Variants in DGKG observed in about 807,000 individuals in gnomAD.
DGKG encodes DAG kinase gamma.
Under a neutral mutation model 105.3 loss-of-function variants are expected in DGKG, and 78 were observed. The ratio of observed to expected loss-of-function variants is 0.74; its 90% CI spans 0.62 to 0.89. DGKG has a LOEUF of 0.89. Ranked by LOEUF, DGKG falls within the 40% of genes least tolerant of loss-of-function variation. DGKG has a pLI of 0.00. For missense variants in DGKG, 958 were observed against 1,020.1 expected, an observed-to-expected ratio of 0.94 and a Z score of 0.83; for synonymous variants, 346 against 367.1, an observed-to-expected ratio of 0.94 and a Z score of 0.66.
chr3:186,355,196 A>G (rs914634502), intron 1 of DGKG, among the ~76,000 whole-genome samples: 1 of 141,434 alleles, frequency 7.1e-6, no homozygotes, highest in Non-Finnish European at 1.6e-5. Flanking sequence ...CACCATCAAT[A>G]CCACCACCAA....
Position 186,306,904 on chromosome 3 carries a change from A to G in DGKG, c.141T>C (p.His47=), listed in dbSNP as rs767360580. The change falls in exon 3 of 25, where the codon CAT becomes CAC. Residue 47 remains histidine (H), a synonymous_variant. Transcript: ENST00000265022. The stretch of plus-strand genomic sequence containing the variant: ...CTTAAAATGGAAATGTTCTTACCTC[A>G]TGTGGGTCATATTGTTTGAGGCTCC... The part of the protein sequence containing the change: ...EGGSLKQYDP[H]EPISYDVFKL... The G allele has an allele frequency of 1.9e-6, 3 of 1,603,984 alleles. No individual in the cohort carries two copies. The highest frequency in any genetic ancestry group is 3.3e-5 in the Admixed American group (2 of 59,926).
chr3:186,297,337 C>A (rs929323213), intron 5 of DGKG, 84 bp downstream of exon 5: 15 of 1,010,822 alleles, frequency 1.5e-5, no homozygotes, highest in Non-Finnish European at 2.4e-5. Context: ...ATGAAGACAG[C>A]ACTGTTGGTT....
Position 186,253,147 on chromosome 3 carries a change from C to T in DGKG, c.1546G>A (p.Val516Ile), listed in dbSNP as rs150359028. The change falls in exon 18 of 25, where the codon GTC (valine) becomes ATC (isoleucine). Residue 516 changes from valine (V) to isoleucine (I), a missense_variant. Coordinates refer to ENST00000265022, the MANE Select transcript of DGKG (RefSeq NM_001346.3). ...ANFAKHPPVA[V>I]LPLGTGNDLA... is the part of the protein sequence containing the mutation. The stretch of plus-strand genomic sequence containing the variant: ...TCATTTCCTGTTCCAAGAGGCAGGA[C>T]AGCCACTGGTGGATGCTTTGCAAAG... 2 of 1,614,084 alleles carry T rather than the reference C, an allele frequency of 1.2e-6. No homozygotes were observed.
At chr3:186,249,297 G>A (rs976816288) in intron 19 of DGKG, among the ~76,000 whole-genome samples, 5 of 152,122 alleles carry the variant, frequency 3.3e-5, no homozygotes, top group Admixed American at 6.5e-5. Context: ...CTCAGAACCC[G>A]ATCATGGGCC....
chr3:186,331,732 A>C (rs556055545), intron 1 of DGKG, among the ~76,000 whole-genome samples: 1 of 152,128 alleles, frequency 6.6e-6, no homozygotes, highest in Non-Finnish European at 1.5e-5. Flanking sequence ...GTCTAAGAAG[A>C]GTGTTTGTAG....
At chr3:186,315,569 A>C (rs1446013018) in intron 2 of DGKG, among the ~76,000 whole-genome samples, 1 of 152,158 alleles carries the variant, frequency 6.6e-6, no homozygotes, top group Non-Finnish European at 1.5e-5. Flanking sequence ...TAGAATGTGG[A>C]TATCAGTTTG....
intron 21 of DGKG, among the ~76,000 whole-genome samples, chr3:186,194,803 T>TAAAAAAACAAAAAAAAAAA (rs1718094678): frequency 9.5e-6 from 1 of 105,410 alleles, no homozygotes; most frequent in Admixed American, 1.2e-4. Flanking sequence ...GGTCTTTCTT[T>TAAAAAAACAAAAAAAAAAA]AAAAAAAAAA....
intron 20 of DGKG, among the ~76,000 whole-genome samples, chr3:186,238,502 A>G (rs1720524932): frequency 6.6e-6 from 1 of 152,136 alleles, no homozygotes; most frequent in Non-Finnish European, 1.5e-5. Context: ...TTCTTTTGCT[A>G]GACGACGATT....
chr3:186,298,117 T>C lies in DGKG; in HGVS notation c.257A>G (p.Glu86Gly). 6.2e-7 allele frequency: 1 copy of C among 1,614,108 alleles called. No homozygotes were observed. The highest frequency in any genetic ancestry group is 8.5e-7 in the Non-Finnish European group (1 of 1,180,000). Residue 86 changes from glutamate to glycine, a missense_variant, in exon 4 of 25, where the codon GAG (glutamate) becomes GGG (glycine). Transcript: ENST00000265022. ...TCCCTCCGTCGGGTGGTCAGAGGTC[T>C]CGTGTCTGGGCTTCTGGCTGAAGGC... ...FLAFSQKPRH[E>G]TSDHPTEGAS...
intron 21 of DGKG, among the ~76,000 whole-genome samples, chr3:186,197,703 G>C (rs189018711): frequency 6.6e-6 from 1 of 152,338 alleles, no homozygotes; most frequent in Admixed American, 6.5e-5. Context: ...AGCTGAGGGA[G>C]AGGGTTAGCT....
At chr3:186,264,084 C>A (rs1721922986) in intron 14 of DGKG, among the ~76,000 whole-genome samples, 1 of 152,170 alleles carries the variant, frequency 6.6e-6, no homozygotes, top group South Asian at 2.1e-4. Context: ...GGGCTCTGCC[C>A]CATCAGAACA....
chr3:186,148,362 T>C lies in DGKG; in HGVS notation c.*1728A>G, dbSNP rs1715594011. 1 of 985,316 alleles carries C rather than the reference T, an allele frequency of 1.0e-6. No homozygotes were observed. Among genetic ancestry groups the C allele is most frequent in the Non-Finnish European group, 1.2e-6 (1 of 829,944 alleles). 61.0% of individuals were successfully genotyped at this position (985,316 alleles called of 1,614,324 possible). A position where few individuals can be genotyped will look rare whatever the true frequency, so the allele number is the denominator to read the frequency against. On this transcript the variant is annotated 3_prime_UTR_variant, in exon 25 of 25. Transcript: ENST00000265022. ...CTATGATGACCATGATGAGGTGACA[T>C]GTGGAGAGTTCAGTCTGATGATCTG...
intron 10 of DGKG, 145 bp downstream of exon 10, chr3:186,275,402 C>A: frequency 4.3e-6 from 3 of 693,790 alleles, no homozygotes. Flanking sequence ...ATGAAGGCCT[C>A]GCTTTATTCC....
chr3:186,165,939 C>T (rs1716521421), intron 22 of DGKG, among the ~76,000 whole-genome samples: 1 of 152,220 alleles, frequency 6.6e-6, no homozygotes, highest in Admixed American at 6.5e-5. Context: ...GTAGCTTTCT[C>T]ATAAGTTGTG....
intron 5 of DGKG, among the ~76,000 whole-genome samples, chr3:186,294,215 C>T (rs1002777038): frequency 4.6e-5 from 7 of 152,196 alleles, no homozygotes; most frequent in Non-Finnish European, 1.0e-4. Flanking sequence ...TCAAATATCA[C>T]ATAAAATGAC....
chr3:186,356,857 C>G (rs571899775), intron 1 of DGKG, among the ~76,000 whole-genome samples: 3 of 152,300 alleles, frequency 2.0e-5, no homozygotes, highest in South Asian at 2.1e-4. Context: ...TGGTGGTTGA[C>G]TGGTCTGCTC....
chr3:186,338,563 T>A (rs1207824815), intron 1 of DGKG, among the ~76,000 whole-genome samples: 1 of 152,184 alleles, frequency 6.6e-6, no homozygotes, highest in Non-Finnish European at 1.5e-5. Flanking sequence ...AAAAGAGAGA[T>A]GTGAAAGGAT....
chr3:186,201,147 CTCTT>C lies in DGKG; in HGVS notation c.1917+10644_1917+10647del, dbSNP rs780837316. On this transcript the variant is annotated intron_variant, in intron 21 of 24. Coordinates refer to ENST00000265022, the MANE Select transcript of DGKG (RefSeq NM_001346.3). ...CTCCACCCTCCCCAGGTGTTTTTTT[CTCTT>C]TCTTTCTTTTTTTTTTTTTAAACTA... 1.4e-4 allele frequency among the ~76,000 whole-genome samples: 21 copies of C among 151,894 alleles called. No homozygotes were observed. In the South Asian group the frequency reaches 2.1e-3, roughly 15 times the overall value.
chr3:186,354,701 A>G (rs1218115986), intron 1 of DGKG, among the ~76,000 whole-genome samples: 1 of 152,242 alleles, frequency 6.6e-6, no homozygotes, highest in Non-Finnish European at 1.5e-5. Context: ...TCACTGAAGC[A>G]TCAATGACTT....
Sources: allele counts gnomAD v4.1 joint callset (sites outside exome capture counted in the v4.1 genomes callset), GRCh38; gene constraint gnomAD v4.1.1; transcripts MANE v1.5; gene names NCBI Gene and HGNC (gene_info 2026-07-23, HGNC 2026-07-21).